Variants in LPCAT3 observed in about 807,000 individuals in gnomAD.
LPCAT3 encodes the protein lysophosphatidylcholine acyltransferase 3.
Under a neutral mutation model 63.4 loss-of-function variants are expected in LPCAT3, and 21 were observed. That is an observed-to-expected ratio of 0.33 (90% CI 0.23 to 0.48). The LOEUF (loss-of-function observed/expected upper bound fraction) is 0.48, where lower values mean the gene tolerates loss of function less well. Ranked by LOEUF, LPCAT3 falls within the 20% of genes least tolerant of loss-of-function variation. LPCAT3 has a pLI of 0.99. For synonymous variants in LPCAT3, 242 were observed against 227.5 expected, an observed-to-expected ratio of 1.06 and a Z score of -0.58; for missense variants, 451 against 590.6, an observed-to-expected ratio of 0.76 and a Z score of 2.45.
At chr12:6,980,042 T>TTTA (rs1345745332) in intron 6 of LPCAT3, 47 of 152,324 alleles carry the variant, frequency 3.1e-4, no homozygotes, top group African/African-American at 1.1e-3. Context: ...TTTTTTTTTT[T>TTTA]ACCATTTTAA....
rs1946803137 is a variant in LPCAT3, at chr12:7,017,345, G to A, written c.151+929C>T. On this transcript the variant is annotated intron_variant, in intron 1 of 12. Coordinates refer to ENST00000261407, the MANE Select transcript of LPCAT3 (RefSeq NM_005768.6). This position sits in a 1 kb window ranked among gnomAD's most constrained non-coding sequence, Gnocchi z 4.1. Reference sequence around the variant, plus strand: ...GACTTTATGGCAATCCTATGTGGTAGGCACTGTTGTCCTCATTTCATAGAT... The same window carrying A: ...GACTTTATGGCAATCCTATGTGGTAAGCACTGTTGTCCTCATTTCATAGAT... Among the ~76,000 whole-genome samples, 1 of 152,178 alleles carries A rather than the reference G, an allele frequency of 6.6e-6. No individual in the cohort carries two copies. Among genetic ancestry groups the A allele is most frequent in the South Asian group, 2.1e-4 (1 of 4,830 alleles).
In LPCAT3 at chr12:6,977,053, T is replaced by A; in HGVS notation, c.*12+81A>T. 1.1e-6 allele frequency: 1 copy of A among 890,020 alleles called. No individual in the cohort carries two copies. Among genetic ancestry groups the A allele is most frequent in the East Asian group, 2.4e-5 (1 of 41,248 alleles). The allele number at this position is 890,020 out of a possible 1,614,324, so 55.1% of individuals were successfully genotyped here. A position where few individuals can be genotyped will look rare whatever the true frequency, so the allele number is the denominator to read the frequency against. ...CTAATCCTTGGAATTCACCCCAGAT[T>A]TCTAATACTATTGTTTTTTTCCAGT... On this transcript the variant is annotated intron_variant, in intron 12 of 12. Coordinates refer to ENST00000261407, the MANE Select transcript of LPCAT3 (RefSeq NM_005768.6). This position sits in a 1 kb window ranked among gnomAD's most constrained non-coding sequence, Gnocchi z 4.5.
In LPCAT3 at chr12:6,976,910, T is replaced by C. The variant is rs1946410132; in HGVS notation, c.*13-19A>G. 2.1e-6 allele frequency: 1 copy of C among 485,026 alleles called. No homozygotes were observed. The highest frequency in any genetic ancestry group is 3.8e-6 in the Non-Finnish European group (1 of 264,854). 30.0% of individuals were successfully genotyped at this position (485,026 alleles called of 1,614,324 possible). A position where few individuals can be genotyped will look rare whatever the true frequency, so the allele number is the denominator to read the frequency against. ...AGGCCACCTGCAAGACAAGAGGAGTTTGGAAGGCTGGTTAGTTACTCCTGT... is the reference window on the plus strand; with the variant it reads ...AGGCCACCTGCAAGACAAGAGGAGTCTGGAAGGCTGGTTAGTTACTCCTGT... On this transcript the variant is annotated intron_variant, in intron 12 of 12. Coordinates refer to ENST00000261407, the MANE Select transcript of LPCAT3 (RefSeq NM_005768.6).
chr12:6,986,580 C>T (rs902524326), intron 1 of LPCAT3, among the ~76,000 whole-genome samples: 1,647 of 151,842 alleles, frequency 0.011, 17 homozygotes, highest in African/African-American at 0.036. Flanking sequence ...GTCAGGAAAT[C>T]GAGACCATCC....
chr12:6,989,750 A>C (rs1287925292), intron 1 of LPCAT3, among the ~76,000 whole-genome samples: 1 of 152,174 alleles, frequency 6.6e-6, no homozygotes, highest in South Asian at 2.1e-4. Flanking sequence ...CAGGGACCAG[A>C]TCTATCACAA....
chr12:6,983,085 C>T, intron 2 of LPCAT3: 6 of 531,906 alleles, frequency 1.1e-5, no homozygotes, highest in Non-Finnish European at 1.7e-5. Context: ...GGCTACCACA[C>T]CCAGCTTGTT....
At position 7,006,589 on chromosome 12, in the gene LPCAT3, T is replaced by C. The variant is rs183726686; in HGVS notation, c.151+11685A>G. 2.7e-3 allele frequency among the ~76,000 whole-genome samples: 412 copies of C among 152,346 alleles called. 3 individuals carry two copies. The highest frequency in any genetic ancestry group is 9.2e-3 in the African/African-American group (382 of 41,572). On this transcript the variant is annotated intron_variant, in intron 1 of 12. Transcript: ENST00000261407. ...CATGTTTTGCTATTATTTCCTATTCTTTCAGAGCACCAATAGTCAATGAAG... is the reference window on the plus strand; with the variant it reads ...CATGTTTTGCTATTATTTCCTATTCCTTCAGAGCACCAATAGTCAATGAAG...
intron 1 of LPCAT3, among the ~76,000 whole-genome samples, chr12:6,990,536 A>G: frequency 7.1e-6 from 1 of 141,466 alleles, no homozygotes; most frequent in African/African-American, 2.6e-5. Context: ...AAAATAAATA[A>G]ATAAATAAAT....
At position 6,977,138 on chromosome 12, in the gene LPCAT3, GA is replaced by G; in HGVS notation, c.*7del. On this transcript the variant is annotated 3_prime_UTR_variant, in exon 12 of 13. Coordinates refer to ENST00000261407, the MANE Select transcript of LPCAT3 (RefSeq NM_005768.6). This position sits in a 1 kb window ranked among gnomAD's most constrained non-coding sequence, Gnocchi z 4.5. ...AGTTTAGCTGTATTAACTTACCAGGGAAATGGATTATTCCATCTTCTTTAAC... is the reference window on the plus strand; with the variant it reads ...AGTTTAGCTGTATTAACTTACCAGGGAATGGATTATTCCATCTTCTTTAAC... The G allele has an allele frequency of 6.4e-7, 1 of 1,565,484 alleles. No individual in the cohort carries two copies. The highest frequency in any genetic ancestry group is 8.8e-7 in the Non-Finnish European group (1 of 1,136,242).
At chr12:7,006,702 GT>G (rs1946727258) in intron 1 of LPCAT3, among the ~76,000 whole-genome samples, 1 of 152,196 alleles carries the variant, frequency 6.6e-6, no homozygotes, top group African/African-American at 2.4e-5. Flanking sequence ...GGCCCCATAT[GT>G]TTATACTCCA....
At chr12:7,013,941 A>G (rs782817585) in intron 1 of LPCAT3, among the ~76,000 whole-genome samples, 7 of 151,548 alleles carry the variant, frequency 4.6e-5, no homozygotes, top group Non-Finnish European at 8.8e-5. Flanking sequence ...TCTTTAACCT[A>G]CAGTTCCAGC....
chr12:6,983,257 T>C (rs1484675963), intron 2 of LPCAT3, 175 bp downstream of exon 2: 1 of 568,110 alleles, frequency 1.8e-6, no homozygotes, highest in Admixed American at 3.2e-5. Flanking sequence ...CAGAAGAATG[T>C]ACATAAAAGA....
At chr12:6,992,657 C>T (rs888561256) in intron 1 of LPCAT3, among the ~76,000 whole-genome samples, 2 of 152,218 alleles carry the variant, frequency 1.3e-5, no homozygotes, top group African/African-American at 4.8e-5. Flanking sequence ...AATCTTTCAT[C>T]TTCTAATACC....
chr12:6,991,862 C>T (rs1299173946), intron 1 of LPCAT3, among the ~76,000 whole-genome samples: 2 of 152,084 alleles, frequency 1.3e-5, no homozygotes, highest in Admixed American at 6.5e-5. Context: ...GCAGCAGAGG[C>T]GGTTTATGCA....
chr12:6,979,869 A>C (rs1383544029), intron 6 of LPCAT3: 3 of 369,134 alleles, frequency 8.1e-6, no homozygotes. Context: ...AGGTCTTGCC[A>C]GGTCTCACAA....
intron 1 of LPCAT3, among the ~76,000 whole-genome samples, chr12:7,013,791 T>A (rs1946780964): frequency 6.6e-6 from 1 of 152,234 alleles, no homozygotes; most frequent in African/African-American, 2.4e-5. Context: ...TCCCTACTAC[T>A]TGTCTATGCT....
In LPCAT3 at chr12:6,977,250, T is replaced by C; in HGVS notation, c.1360A>G (p.Ile454Val). The change falls in exon 12 of 13, where the codon ATC (isoleucine) becomes GTC (valine). Residue 454 changes from isoleucine (I) to valine (V), a missense_variant. Ile to Val is a conservative substitution (Grantham distance 29). This residue lies in a region of LPCAT3 where 304 missense variants were observed against 390.8 expected (regional missense o/e 0.78). Coordinates refer to ENST00000261407, the MANE Select transcript of LPCAT3 (RefSeq NM_005768.6). The surrounding 1 kb of genome is among the most constrained non-coding windows in gnomAD (Gnocchi z 4.5). Reference protein sequence around the residue: ...WDKWLKVYKSIYFLGHIFFLS... With the variant: ...WDKWLKVYKSVYFLGHIFFLS... ...AAGAAGATGTGGCCAAGGAAATAGA[T>C]GGATTTATACACCTGTGGAGAGAGA... The C allele has an allele frequency of 6.2e-7, 1 of 1,613,426 alleles. No individual in the cohort carries two copies.
intron 3 of LPCAT3, 74 bp downstream of exon 3, chr12:6,982,600 CCA>C: frequency 9.0e-7 from 1 of 1,114,766 alleles, no homozygotes; most frequent in Non-Finnish European, 1.4e-6. Context: ...AATTTCTATA[CCA>C]CAGTCCCCTG....
intron 1 of LPCAT3, among the ~76,000 whole-genome samples, chr12:6,992,766 G>A (rs1279511870): frequency 6.6e-6 from 1 of 151,986 alleles, no homozygotes; most frequent in African/African-American, 2.4e-5. Context: ...CATTGGTTTT[G>A]AATACAGTTA....
Sources: allele counts gnomAD v4.1 joint callset (sites outside exome capture counted in the v4.1 genomes callset), GRCh38; gene constraint gnomAD v4.1.1; regional missense constraint gnomAD v4.1.1; non-coding constraint Gnocchi (gnomAD v3.1); transcripts MANE v1.5; gene names NCBI Gene and HGNC (gene_info 2026-07-23, HGNC 2026-07-21).